NUP210L: variants seen among roughly 807,000 people sequenced by gnomAD.
NUP210L encodes nuclear pore membrane glycoprotein 210-like.
Under a neutral mutation model 208.5 loss-of-function variants are expected in NUP210L, and 74 were observed. That is an observed-to-expected ratio of 0.35 (90% confidence interval 0.29 to 0.43). NUP210L has a LOEUF of 0.43. NUP210L is among the 20% of genes least tolerant of loss of function. The pLI is 1.00. For synonymous variants in NUP210L, 780 were observed against 816.9 expected, an observed-to-expected ratio of 0.95 and a Z score of 0.77; for missense variants, 1,843 against 2,289.4, an observed-to-expected ratio of 0.81 and a Z score of 3.98.
intron 12 of NUP210L, among the ~76,000 whole-genome samples, chr1:154,112,058 G>A (rs1377931490): frequency 6.6e-6 from 1 of 151,418 alleles, no homozygotes; most frequent in Non-Finnish European, 1.5e-5. Flanking sequence ...CTCCCGAGTA[G>A]CTGGGACTAT....
chr1:154,043,155 G>T (rs1224188642), intron 27 of NUP210L, among the ~76,000 whole-genome samples: 25 of 148,712 alleles, frequency 1.7e-4, no homozygotes, highest in Non-Finnish European at 1.5e-5. Flanking sequence ...GAGTAGCTGG[G>T]ATTACAGGTG....
chr1:154,031,441 G>A (rs1052227686), intron 27 of NUP210L, among the ~76,000 whole-genome samples: 1 of 151,988 alleles, frequency 6.6e-6, no homozygotes. Context: ...TCACCCTGTT[G>A]TGCTATCATA....
chr1:154,054,087 G>A lies in NUP210L; in HGVS notation c.3483+141C>T. On this transcript the variant is annotated intron_variant, in intron 25 of 39. Transcript: ENST00000368559. ...ACTAAAGATGACATTTTCCATGCCTGGTTGACAGAATGCCAGGTAGGGGCA... is the reference window on the plus strand; with the variant it reads ...ACTAAAGATGACATTTTCCATGCCTAGTTGACAGAATGCCAGGTAGGGGCA... 9.7e-6 allele frequency: 7 copies of A among 718,684 alleles called. No individual in the cohort carries two copies. The South Asian group carries it at 1.3e-4, about 13-fold the overall frequency. 44.5% of individuals were successfully genotyped at this position (718,684 alleles called of 1,614,324 possible).
At chr1:154,091,052 C>CATT (rs146596636) in intron 15 of NUP210L, among the ~76,000 whole-genome samples, 2,969 of 141,656 alleles carry the variant, frequency 0.021, 115 homozygotes, top group African/African-American at 0.072. Flanking sequence ...TTGTTGACAG[C>CATT]ATTATTATTA....
intron 37 of NUP210L, among the ~76,000 whole-genome samples, chr1:153,999,027 A>G (rs985947349): frequency 2.0e-5 from 3 of 152,068 alleles, no homozygotes; most frequent in Non-Finnish European, 4.4e-5. Context: ...CAGTTTCCTC[A>G]GCTCTTGGGG....
At chr1:154,097,753 GTATC>G (rs1487632457) in intron 14 of NUP210L, among the ~76,000 whole-genome samples, 24 of 152,138 alleles carry the variant, frequency 1.6e-4, no homozygotes, top group Admixed American at 1.5e-3. Flanking sequence ...GGATTTGTCA[GTATC>G]TATCAGCAAG....
intron 35 of NUP210L, among the ~76,000 whole-genome samples, chr1:154,008,903 T>G (rs1650730521): frequency 6.6e-6 from 1 of 150,632 alleles, no homozygotes; most frequent in East Asian, 2.1e-4. Context: ...ACTACCTTAT[T>G]TATACCTTAC....
intron 33 of NUP210L, among the ~76,000 whole-genome samples, chr1:154,015,945 TAAATAAATAAAA>T (rs1479056559): frequency 1.4e-5 from 2 of 144,710 alleles, no homozygotes; most frequent in African/African-American, 5.3e-5. Context: ...AATAAATAAA[TAAATAAATAAAA>T]ATAAAAAAAA....
chr1:154,035,826 CA>C (rs1395066638), intron 27 of NUP210L, among the ~76,000 whole-genome samples: 1 of 151,808 alleles, frequency 6.6e-6, no homozygotes, highest in African/African-American at 2.4e-5. Context: ...CTCCGCCTTT[CA>C]AGTTCAAGCA....
intron 6 of NUP210L, among the ~76,000 whole-genome samples, chr1:154,137,536 G>C (rs979543740): frequency 7.4e-6 from 1 of 134,632 alleles, no homozygotes; most frequent in Non-Finnish European, 1.6e-5. Context: ...GGGTGACAGA[G>C]AGAGACTACA....
At chr1:154,106,829 T>C (rs1445198894) in intron 12 of NUP210L, among the ~76,000 whole-genome samples, 2 of 152,232 alleles carry the variant, frequency 1.3e-5, no homozygotes, top group Non-Finnish European at 1.5e-5. Context: ...AACGCAGATA[T>C]GTACTGCAGT....
At chr1:154,043,599 A>C (rs952047477) in intron 27 of NUP210L, among the ~76,000 whole-genome samples, 26 of 143,660 alleles carry the variant, frequency 1.8e-4, no homozygotes, top group Non-Finnish European at 3.6e-4. Flanking sequence ...GCCACTGTGT[A>C]ATTACAGGCG....
chr1:154,150,467 C>T (rs573216767), intron 2 of NUP210L, among the ~76,000 whole-genome samples: 2 of 152,076 alleles, frequency 1.3e-5, no homozygotes, highest in African/African-American at 2.4e-5. Flanking sequence ...GTGGCTCACG[C>T]CTGTAATCCC....
At position 154,133,252 on chromosome 1, in the gene NUP210L, T is replaced by C. The variant is rs192005417; in HGVS notation, c.1009+2562A>G. 1.5e-4 allele frequency among the ~76,000 whole-genome samples: 23 copies of C among 152,294 alleles called. No homozygotes were observed. The East Asian group carries it at 3.9e-3, about 26-fold the overall frequency. ...CCAGTGTCGCCTCATCAGAGAGGAC[T>C]TTTCTAACTATGCTAGGTAAAGACT... is the stretch of plus-strand genomic sequence containing the variant. On this transcript the variant is annotated intron_variant, in intron 7 of 39. Transcript: ENST00000368559.
intron 39 of NUP210L, 28 bp from the exon 40 acceptor site, chr1:153,992,963 A>C (rs758254244): frequency 6.2e-7 from 1 of 1,608,570 alleles, no homozygotes; most frequent in Admixed American, 1.7e-5. Context: ...AGTTGAGTGA[A>C]TTAAACGTGT....
intron 16 of NUP210L, among the ~76,000 whole-genome samples, chr1:154,077,855 T>C (rs1055244078): frequency 6.6e-6 from 1 of 151,904 alleles, no homozygotes; most frequent in African/African-American, 2.4e-5. Context: ...CATGGTGGCA[T>C]GCATCTGCAG....
intron 16 of NUP210L, among the ~76,000 whole-genome samples, chr1:154,085,470 C>T (rs1446928009): frequency 6.6e-6 from 1 of 151,790 alleles, no homozygotes; most frequent in Non-Finnish European, 1.5e-5. Context: ...AAACAGGAAA[C>T]ATTGTTGAAA....
At chr1:154,039,796 T>C (rs1418365947) in intron 27 of NUP210L, 1 of 152,190 alleles carries the variant, frequency 6.6e-6, no homozygotes, top group African/African-American at 2.4e-5. Flanking sequence ...TTGGGTTAAA[T>C]CTGCTTGGTG....
chr1:154,107,391 G>A (rs895069478), intron 12 of NUP210L, among the ~76,000 whole-genome samples: 4 of 150,374 alleles, frequency 2.7e-5, no homozygotes, highest in East Asian at 2.0e-4. Context: ...GGAGAATGGC[G>A]TGAACCTGGG....
Sources: gnomAD v4.1 joint callset for allele counts (sites outside exome capture counted in the v4.1 genomes callset) on GRCh38, gnomAD v4.1.1 for gene constraint, MANE v1.5 for transcripts, NCBI Gene and HGNC (gene_info 2026-07-23, HGNC 2026-07-21) for gene names.